SPOCK3: variants seen among roughly 807,000 people sequenced by gnomAD.
SPOCK3 encodes the protein SPARC (osteonectin), cwcv and kazal like domains proteoglycan 3.
In SPOCK3, 30 loss-of-function variants were observed where a neutral mutation model predicts 56.6. That is an observed-to-expected ratio of 0.53 (90% CI 0.40 to 0.72). SPOCK3 has a LOEUF of 0.72. SPOCK3 is among the 30% of genes least tolerant of loss of function. The pLI is 0.00. For synonymous variants in SPOCK3, 196 were observed against 183.3 expected (o/e 1.07, Z -0.56); for missense variants, 527 against 530.0 (o/e 0.99, Z 0.06).
At chr4:167,027,699 GTTA>G (rs1254452939) in intron 3 of SPOCK3, among the ~76,000 whole-genome samples, 3 of 151,994 alleles carry the variant, frequency 2.0e-5, no homozygotes, top group Admixed American at 6.6e-5. Flanking sequence ...AGAGAAAAAT[GTTA>G]TTAAGAAAAT....
chr4:166,862,572 G>A (rs892739709), intron 6 of SPOCK3, among the ~76,000 whole-genome samples: 1 of 151,914 alleles, frequency 6.6e-6, no homozygotes, highest in South Asian at 2.1e-4. Context: ...TATTTGTCAT[G>A]TTTGTTAAAT....
chr4:166,984,491 T>A (rs1187001693), intron 4 of SPOCK3, among the ~76,000 whole-genome samples: 1 of 152,134 alleles, frequency 6.6e-6, no homozygotes, highest in African/African-American at 2.4e-5. Context: ...AATAAATTTA[T>A]AAGAAAATAC....
intron 3 of SPOCK3, among the ~76,000 whole-genome samples, chr4:167,039,235 C>A (rs1486739326): frequency 6.6e-6 from 1 of 152,154 alleles, no homozygotes; most frequent in Non-Finnish European, 1.5e-5. Flanking sequence ...CTTAGAAAGA[C>A]GCCCATCATA....
At chr4:167,114,096 C>G (rs1326615229) in intron 2 of SPOCK3, among the ~76,000 whole-genome samples, 1 of 152,108 alleles carries the variant, frequency 6.6e-6, no homozygotes, top group African/African-American at 2.4e-5. Context: ...AATGTTCATG[C>G]TCCAGGAATA....
chr4:166,910,544 C>A (rs1427230839), intron 5 of SPOCK3, among the ~76,000 whole-genome samples: 1 of 152,020 alleles, frequency 6.6e-6, no homozygotes, highest in Non-Finnish European at 1.5e-5. Flanking sequence ...AATATGAGAG[C>A]TATTTCTTAC....
chr4:167,059,378 G>A (rs942564017), intron 3 of SPOCK3, among the ~76,000 whole-genome samples: 1 of 152,154 alleles, frequency 6.6e-6, no homozygotes, highest in Admixed American at 6.5e-5. Flanking sequence ...AGACATTCAT[G>A]CAGCCAAAAA....
chr4:166,821,635 C>T (rs1374037833), intron 6 of SPOCK3, among the ~76,000 whole-genome samples: 1 of 151,962 alleles, frequency 6.6e-6, no homozygotes, highest in African/African-American at 2.4e-5. Flanking sequence ...CCTGCTACAA[C>T]ATAGATGAAC....
intron 2 of SPOCK3, among the ~76,000 whole-genome samples, chr4:167,146,086 C>A (rs1763927665): frequency 6.6e-6 from 1 of 151,924 alleles, no homozygotes; most frequent in African/African-American, 2.4e-5. Flanking sequence ...CAAACATACA[C>A]AGAGGCTCAA....
chr4:167,202,176 TTA>T (rs1252387670), intron 2 of SPOCK3, among the ~76,000 whole-genome samples: 1 of 151,964 alleles, frequency 6.6e-6, no homozygotes, highest in Non-Finnish European at 1.5e-5. Flanking sequence ...AACTTCACTC[TTA>T]GATGCCATGT....
intron 2 of SPOCK3, among the ~76,000 whole-genome samples, chr4:167,161,592 T>G (rs567813343): frequency 6.6e-6 from 1 of 152,128 alleles, no homozygotes; most frequent in Non-Finnish European, 1.5e-5. Context: ...CACGCTCACG[T>G]ATGGTTATTG....
At chr4:167,116,686 C>T (rs1192685714) in intron 2 of SPOCK3, among the ~76,000 whole-genome samples, 112 of 19,344 alleles carry the variant, frequency 5.8e-3, no homozygotes, top group Non-Finnish European at 8.0e-3. Flanking sequence ...TGTATATATA[C>T]ACACATATAG....
intron 3 of SPOCK3, among the ~76,000 whole-genome samples, chr4:167,026,301 T>C (rs1035154816): frequency 2.0e-5 from 3 of 152,232 alleles, no homozygotes; most frequent in African/African-American, 4.8e-5. Context: ...TGGAATTTCT[T>C]AGTTGCCATG....
intron 4 of SPOCK3, among the ~76,000 whole-genome samples, chr4:166,930,739 T>C (rs1305001932): frequency 1.3e-5 from 2 of 152,226 alleles, no homozygotes; most frequent in African/African-American, 4.8e-5. Context: ...GCATGCATTA[T>C]CCTATAAAAC....
chr4:166,800,943 T>G (rs1360375887), intron 6 of SPOCK3, among the ~76,000 whole-genome samples: 1 of 152,156 alleles, frequency 6.6e-6, no homozygotes, highest in Non-Finnish European at 1.5e-5. Flanking sequence ...CATGTATCAT[T>G]TTTAATCTTT....
At chr4:166,959,108 G>A (rs1743841636) in intron 4 of SPOCK3, among the ~76,000 whole-genome samples, 1 of 152,184 alleles carries the variant, frequency 6.6e-6, no homozygotes, top group South Asian at 2.1e-4. Flanking sequence ...ATTTTAGAAT[G>A]TGTGAAATGT....
At chr4:167,080,961 A>ACCT (rs533950749) in intron 2 of SPOCK3, among the ~76,000 whole-genome samples, 1,796 of 147,600 alleles carry the variant, frequency 0.012, 20 homozygotes, top group Non-Finnish European at 0.018. Flanking sequence ...TCTCACTGCA[A>ACCT]CCTCCTCCTC....
chr4:166,977,332 A>G (rs533454790), intron 4 of SPOCK3, among the ~76,000 whole-genome samples: 8 of 152,224 alleles, frequency 5.3e-5, no homozygotes, highest in African/African-American at 1.7e-4. Context: ...ACTTAATCTC[A>G]GTTATGAAAA....
At chr4:167,038,717 T>C (rs1022322584) in intron 3 of SPOCK3, among the ~76,000 whole-genome samples, 2 of 147,888 alleles carry the variant, frequency 1.4e-5, no homozygotes, top group African/African-American at 4.9e-5. Context: ...AAACAGCTGC[T>C]ACTTGAGCAA....
At chr4:166,898,917 T>C (rs1735700914) in intron 5 of SPOCK3, among the ~76,000 whole-genome samples, 1 of 152,144 alleles carries the variant, frequency 6.6e-6, no homozygotes, top group African/African-American at 2.4e-5. Context: ...ATTGGTGGAC[T>C]GAGTACAGAA....
Sources: gnomAD v4.1 joint callset for allele counts (sites outside exome capture counted in the v4.1 genomes callset) on GRCh38, gnomAD v4.1.1 for gene constraint, MANE v1.5 for transcripts, NCBI Gene and HGNC (gene_info 2026-07-23, HGNC 2026-07-21) for gene names.